MATN2: variants seen among roughly 807,000 people sequenced by gnomAD.
MATN2 encodes matrilin 2, also known as matrilin-2.
A neutral mutation model predicts 103.2 loss-of-function variants in MATN2; 69 were observed. That is an observed-to-expected ratio of 0.67 (90% CI 0.55 to 0.82). The LOEUF is 0.82. Ranked by LOEUF, MATN2 falls within the 40% of genes least tolerant of loss-of-function variation. The pLI, the probability that MATN2 is intolerant of heterozygous loss-of-function variation, is 0.00. For missense variants in MATN2, 1,023 were observed against 1,211.5 expected (o/e 0.84, Z 2.31); for synonymous variants, 429 against 450.2 (o/e 0.95, Z 0.60).
intron 2 of MATN2, among the ~76,000 whole-genome samples, chr8:97,914,043 A>C (rs1269549155): frequency 6.6e-6 from 1 of 152,224 alleles, no homozygotes; most frequent in Non-Finnish European, 1.5e-5. Context: ...TTTGGGATTA[A>C]GTCCAGGGTT....
Position 98,035,733 on chromosome 8 carries a change from T to C in MATN2, c.*21T>C. On this transcript the variant is annotated 3_prime_UTR_variant, in exon 19 of 19. Coordinates refer to ENST00000254898, the MANE Select transcript of MATN2 (RefSeq NM_002380.5). Reference sequence around the variant, plus strand: ...GATGAAGATTAGAAATCGCGACACATTTGTAGTCATTGTATCACGGATTAC... The same window carrying C: ...GATGAAGATTAGAAATCGCGACACACTTGTAGTCATTGTATCACGGATTAC... The C allele has an allele frequency of 1.3e-6, 2 of 1,557,460 alleles. No individual in the cohort carries two copies. The highest frequency in any genetic ancestry group is 1.8e-6 in the Non-Finnish European group (2 of 1,136,336).
chr8:97,945,717 A>AAAATATATATAT (rs59472539), intron 4 of MATN2, among the ~76,000 whole-genome samples: 160 of 121,796 alleles, frequency 1.3e-3, no homozygotes, highest in East Asian at 8.4e-3. Context: ...AAAAAAAAAA[A>AAAATATATATAT]ATATATATAT....
chr8:97,938,331 C>T (rs951244711), intron 3 of MATN2, among the ~76,000 whole-genome samples: 23 of 152,118 alleles, frequency 1.5e-4, no homozygotes, highest in African/African-American at 4.6e-4. Flanking sequence ...CCTCACCATA[C>T]GATTGTCAAA....
chr8:97,945,918 G>A (rs1018079535), intron 4 of MATN2, among the ~76,000 whole-genome samples: 3 of 151,966 alleles, frequency 2.0e-5, no homozygotes, highest in South Asian at 2.1e-4. Context: ...ACAGAATCAG[G>A]TTATTACAAA....
At chr8:97,967,440 TA>T (rs879500651) in intron 5 of MATN2, among the ~76,000 whole-genome samples, 378 of 142,632 alleles carry the variant, frequency 2.7e-3, no homozygotes, top group Middle Eastern at 3.6e-3. Flanking sequence ...CTGTGAGATT[TA>T]AAAAAAAAAA....
intron 8 of MATN2, among the ~76,000 whole-genome samples, chr8:98,004,755 C>A (rs77553532): frequency 0.044 from 6,633 of 152,320 alleles, 185 homozygotes; most frequent in South Asian, 0.063. Context: ...ATGGGATTTT[C>A]TGAGAAGGCT....
At chr8:98,019,052 A>AAT (rs1318707081) in intron 12 of MATN2, among the ~76,000 whole-genome samples, 4 of 148,754 alleles carry the variant, frequency 2.7e-5, no homozygotes, top group Admixed American at 6.7e-5. Flanking sequence ...ACATATATAT[A>AAT]ATATATATAT....
rs771807342 is a variant in MATN2, at chr8:98,007,203, A to T, written c.1426A>T (p.Asn476Tyr). 1 of 1,613,896 alleles carries T rather than the reference A, an allele frequency of 6.2e-7. No individual in the cohort carries two copies. Among genetic ancestry groups the T allele is most frequent in the Non-Finnish European group, 8.5e-7 (1 of 1,179,876 alleles). ...CCAGTGCTCAGAAGGCTTCCTCATC[A>T]ACGAGGACCTCAAGACCTGCTCCCG... is the stretch of plus-strand genomic sequence containing the variant. ...VCQCSEGFLI[N>Y]EDLKTCSRVD... The change falls in exon 9 of 19, where the codon AAC (asparagine) becomes TAC (tyrosine). Residue 476 changes from asparagine to tyrosine, a missense_variant. By Grantham distance (143) the Asn-to-Tyr change is moderately radical. Transcript: ENST00000254898. The surrounding 1 kb of genome is among the most constrained non-coding windows in gnomAD (Gnocchi z 4.2).
At chr8:97,875,284 G>A (rs1818032282) in intron 1 of MATN2, among the ~76,000 whole-genome samples, 2 of 152,050 alleles carry the variant, frequency 1.3e-5, no homozygotes, top group African/African-American at 4.8e-5. Flanking sequence ...GTGCACAATG[G>A]CCCACTCAAG....
chr8:97,908,490 T>A (rs1819255801), intron 2 of MATN2, among the ~76,000 whole-genome samples: 1 of 152,146 alleles, frequency 6.6e-6, no homozygotes, highest in East Asian at 1.9e-4. Context: ...GCCTAAAACA[T>A]CTGGTGGAGT....
chr8:97,957,487 G>A (rs553048689), intron 4 of MATN2, among the ~76,000 whole-genome samples: 1 of 152,258 alleles, frequency 6.6e-6, no homozygotes, highest in African/African-American at 2.4e-5. Context: ...CAAATCGCTC[G>A]TGGCCATAAA....
intron 18 of MATN2, chr8:98,034,097 A>G: frequency 2.3e-6 from 1 of 441,106 alleles, no homozygotes; most frequent in African/African-American, 2.0e-5. Flanking sequence ...CCCAAGGAAC[A>G]CCACAGCCAC....
intron 5 of MATN2, among the ~76,000 whole-genome samples, chr8:97,974,410 A>G (rs956804517): frequency 2.6e-5 from 4 of 151,038 alleles, no homozygotes; most frequent in African/African-American, 4.9e-5. Flanking sequence ...AAGCGCTGGG[A>G]TTACAGATGT....
intron 10 of MATN2, among the ~76,000 whole-genome samples, chr8:98,010,646 C>A (rs1445187978): frequency 6.6e-6 from 1 of 152,202 alleles, no homozygotes; most frequent in Non-Finnish European, 1.5e-5. Flanking sequence ...GCCTGGAAAC[C>A]CATCTGCCAG....
chr8:97,995,632 C>T, intron 7 of MATN2, among the ~76,000 whole-genome samples: 1 of 152,134 alleles, frequency 6.6e-6, no homozygotes, highest in East Asian at 1.9e-4. Flanking sequence ...GGCAAGACTG[C>T]GTTTTGAAAG....
At chr8:97,908,937 C>T (rs2056409) in intron 2 of MATN2, among the ~76,000 whole-genome samples, 2,739 of 152,132 alleles carry the variant, frequency 0.018, 87 homozygotes, top group African/African-American at 0.063. Context: ...ACCAGCCCCT[C>T]CCCGCCCCCT....
chr8:97,992,299 T>C (rs987145459), intron 6 of MATN2, among the ~76,000 whole-genome samples: 6 of 152,230 alleles, frequency 3.9e-5, no homozygotes, highest in Non-Finnish European at 2.9e-5. Flanking sequence ...TCTTGTTTTA[T>C]TTTTATGTTT....
intron 12 of MATN2, among the ~76,000 whole-genome samples, chr8:98,019,774 C>T (rs1563730169): frequency 6.6e-6 from 1 of 152,230 alleles, no homozygotes; most frequent in African/African-American, 2.4e-5. Context: ...TTTTGTGACA[C>T]TTTGCCCCAG....
intron 5 of MATN2, among the ~76,000 whole-genome samples, chr8:97,972,338 C>CAA (rs3076713): frequency 0.019 from 2,387 of 126,812 alleles, 67 homozygotes; most frequent in African/African-American, 0.065. Flanking sequence ...GACCCTGTCT[C>CAA]AAAAAAAAAA....
Sources: allele counts gnomAD v4.1 joint callset (sites outside exome capture counted in the v4.1 genomes callset), GRCh38; gene constraint gnomAD v4.1.1; non-coding constraint Gnocchi (gnomAD v3.1); transcripts MANE v1.5; gene names NCBI Gene and HGNC (gene_info 2026-07-23, HGNC 2026-07-21).